THSD7A: variants seen among roughly 807,000 people sequenced by gnomAD.
THSD7A encodes thrombospondin type-1 domain-containing protein 7A.
Under a neutral mutation model 231.3 loss-of-function variants are expected in THSD7A, and 96 were observed. The observed-to-expected ratio is 0.41, with a 90% CI of 0.35 to 0.49. The LOEUF (loss-of-function observed/expected upper bound fraction) is 0.49, where lower values mean the gene tolerates loss of function less well. Ranked by LOEUF, THSD7A falls within the 20% of genes least tolerant of loss-of-function variation. THSD7A has a pLI of 0.05. For synonymous variants in THSD7A, 940 were observed against 743.3 expected (o/e 1.26, Z -4.30); for missense variants, 2,290 against 2,070.2 (o/e 1.11, Z -2.06).
At chr7:11,413,232 A>G (rs1783844723) in intron 17 of THSD7A, among the ~76,000 whole-genome samples, 1 of 152,120 alleles carries the variant, frequency 6.6e-6, no homozygotes, top group Admixed American at 6.5e-5. Context: ...TGATGCACAC[A>G]TATACATGCA....
At chr7:11,703,768 A>G (rs1780678270) in intron 1 of THSD7A, among the ~76,000 whole-genome samples, 1 of 151,208 alleles carries the variant, frequency 6.6e-6, no homozygotes. Context: ...ACTTGGATGG[A>G]CAATAGAACC....
At chr7:11,501,957 C>A (rs1787355555) in intron 6 of THSD7A, among the ~76,000 whole-genome samples, 1 of 151,928 alleles carries the variant, frequency 6.6e-6, no homozygotes, top group African/African-American at 2.4e-5. Context: ...TACCACTGAT[C>A]CCACAGAAAT....
At chr7:11,529,433 C>T (rs1371369437) in intron 6 of THSD7A, among the ~76,000 whole-genome samples, 6 of 152,108 alleles carry the variant, frequency 3.9e-5, no homozygotes, top group Admixed American at 2.0e-4. Flanking sequence ...GCGTGTGTCC[C>T]GACCCAAATC....
chr7:11,386,638 A>C (rs2115315582), intron 23 of THSD7A, among the ~76,000 whole-genome samples: 1 of 152,136 alleles, frequency 6.6e-6, no homozygotes, highest in Non-Finnish European at 1.5e-5. Context: ...AGATTGCAAA[A>C]TTTTTCTCCC....
intron 23 of THSD7A, among the ~76,000 whole-genome samples, chr7:11,382,922 AG>A (rs1215298068): frequency 2.0e-4 from 29 of 147,038 alleles, no homozygotes; most frequent in African/African-American, 6.8e-4. Context: ...ATATATATAT[AG>A]TTATATATAT....
chr7:11,573,415 CT>C (rs1790736327), intron 4 of THSD7A, among the ~76,000 whole-genome samples: 1 of 152,170 alleles, frequency 6.6e-6, no homozygotes, highest in Non-Finnish European at 1.5e-5. Context: ...TTTCTGACTC[CT>C]TTGCTCAGCT....
intron 1 of THSD7A, among the ~76,000 whole-genome samples, chr7:11,741,921 C>T (rs1385824968): frequency 6.6e-6 from 1 of 151,908 alleles, no homozygotes; most frequent in African/African-American, 2.4e-5. Context: ...ACAAAACATC[C>T]TCACATTAGG....
chr7:11,750,549 A>G lies in THSD7A; in HGVS notation c.190+81208T>C, dbSNP rs567367675. Among the ~76,000 whole-genome samples, 26 of 152,094 alleles carry G rather than the reference A, an allele frequency of 1.7e-4. 1 individual carries two copies. The highest frequency in any genetic ancestry group is 1.6e-3 in the East Asian group (8 of 5,124). ...AATATTGGAGGGACTGCCAAACCCA[A>G]TAGTCTGATTTGCAGACACGAGATT... is the stretch of plus-strand genomic sequence containing the variant. On this transcript the variant is annotated intron_variant, in intron 1 of 27. Transcript: ENST00000423059.
Position 11,591,156 on chromosome 7 carries a change from AT to A in THSD7A, c.1272-516del, listed in dbSNP as rs59544271. The stretch of plus-strand genomic sequence containing the variant: ...TTTTCTCTTTATTGTCAAGAATAAG[AT>A]TTTTTTTTTTTTTTTGGTAGCACTG... On this transcript the variant is annotated intron_variant, in intron 3 of 27. Coordinates refer to ENST00000423059, the MANE Select transcript of THSD7A (RefSeq NM_015204.3). 4.9e-3 allele frequency among the ~76,000 whole-genome samples: 697 copies of A among 142,696 alleles called. 1 individual carries two copies. Among genetic ancestry groups the A allele is most frequent in the Middle Eastern group, 7.4e-3 (2 of 272 alleles). 93.6% of individuals were successfully genotyped at this position (142,696 alleles called of 152,430 possible). A position where few individuals can be genotyped will look rare whatever the true frequency, so the allele number is the denominator to read the frequency against.
intron 6 of THSD7A, among the ~76,000 whole-genome samples, chr7:11,531,051 A>G (rs1310017609): frequency 6.6e-6 from 1 of 152,138 alleles, no homozygotes; most frequent in Non-Finnish European, 1.5e-5. Flanking sequence ...GAATGATGTG[A>G]TCAAGAGAGG....
At chr7:11,791,385 C>A (rs868546332) in intron 1 of THSD7A, among the ~76,000 whole-genome samples, 1 of 151,896 alleles carries the variant, frequency 6.6e-6, no homozygotes, top group African/African-American at 2.4e-5. Flanking sequence ...AAATGTTATC[C>A]TCCCTACCCC....
intron 1 of THSD7A, among the ~76,000 whole-genome samples, chr7:11,722,234 T>C (rs987063221): frequency 2.4e-4 from 37 of 151,982 alleles, no homozygotes; most frequent in African/African-American, 8.4e-4. Flanking sequence ...CCCTCCTTGC[T>C]CAGGAACTGA....
chr7:11,797,412 CTTTT>C (rs59662790), intron 1 of THSD7A, among the ~76,000 whole-genome samples: 1 of 109,010 alleles, frequency 9.2e-6, no homozygotes, highest in African/African-American at 3.6e-5. Context: ...CTGCCTCTCT[CTTTT>C]TTTTTTTTTT....
chr7:11,782,267 C>T (rs1783655193), intron 1 of THSD7A, among the ~76,000 whole-genome samples: 1 of 152,170 alleles, frequency 6.6e-6, no homozygotes, highest in South Asian at 2.1e-4. Context: ...CTGAGGCCAT[C>T]TGCCATAGTT....
chr7:11,815,054 A>G (rs1445528669), intron 1 of THSD7A, among the ~76,000 whole-genome samples: 1 of 151,116 alleles, frequency 6.6e-6, no homozygotes, highest in East Asian at 1.9e-4. Context: ...GTTGTTACAT[A>G]TACTTTCATG....
chr7:11,395,478 G>C (rs1783146795), intron 23 of THSD7A, among the ~76,000 whole-genome samples: 1 of 151,394 alleles, frequency 6.6e-6, no homozygotes, highest in Admixed American at 6.6e-5. Context: ...AGACCTAATA[G>C]ACTTCTACAA....
chr7:11,396,513 CAAAT>C (rs902314982), intron 23 of THSD7A, among the ~76,000 whole-genome samples: 1 of 152,162 alleles, frequency 6.6e-6, no homozygotes, highest in African/African-American at 2.4e-5. Flanking sequence ...CACCTCTACA[CAAAT>C]AAGCTAGAAA....
chr7:11,797,980 A>G (rs1784174958), intron 1 of THSD7A, among the ~76,000 whole-genome samples: 1 of 152,146 alleles, frequency 6.6e-6, no homozygotes, highest in Admixed American at 6.6e-5. Context: ...AGCCATCTCG[A>G]ATTTCACTTT....
intron 1 of THSD7A, among the ~76,000 whole-genome samples, chr7:11,664,177 G>T (rs1783034976): frequency 6.6e-6 from 1 of 151,596 alleles, no homozygotes. Flanking sequence ...TTTTCTAATA[G>T]AAAACATTTC....
Sources: allele counts gnomAD v4.1 joint callset (sites outside exome capture counted in the v4.1 genomes callset), GRCh38; gene constraint gnomAD v4.1.1; transcripts MANE v1.5; gene names NCBI Gene and HGNC (gene_info 2026-07-23, HGNC 2026-07-21).